Variants in TSHZ2 observed in about 807,000 individuals in gnomAD.
TSHZ2 encodes teashirt homolog 2.
A neutral mutation model predicts 74.4 loss-of-function variants in TSHZ2; 21 were observed. That is an observed-to-expected ratio of 0.28 (90% CI 0.20 to 0.41). TSHZ2 has a LOEUF of 0.41. Among genes scored for constraint, TSHZ2 ranks in the 10% least tolerant of loss-of-function variants. TSHZ2 has a pLI of 1.00. For synonymous variants in TSHZ2, 540 were observed against 515.3 expected, an observed-to-expected ratio of 1.05 and a Z score of -0.65; for missense variants, 1,244 against 1,293.5, an observed-to-expected ratio of 0.96 and a Z score of 0.59.
Position 53,008,694 on chromosome 20 carries a change from A to T in TSHZ2, c.40+35361A>T, listed in dbSNP as rs76181621. On this transcript the variant is annotated intron_variant, in intron 1 of 2. Coordinates refer to ENST00000371497, the MANE Select transcript of TSHZ2 (RefSeq NM_173485.6). Reference sequence around the variant, plus strand: ...TAAGGAGTTTGAGGAATTTTAGAGGAAAAGTAGTCGATATAAAGGCCAACT... The same window carrying T: ...TAAGGAGTTTGAGGAATTTTAGAGGTAAAGTAGTCGATATAAAGGCCAACT... Among the ~76,000 whole-genome samples the T allele has an allele frequency of 8.0e-3, 1,216 of 152,274 alleles. 13 individuals are homozygous for T. The highest frequency in any genetic ancestry group is 0.028 in the African/African-American group (1,154 of 41,538).
At chr20:53,372,275 C>T (rs570119144) in intron 2 of TSHZ2, among the ~76,000 whole-genome samples, 6 of 151,676 alleles carry the variant, frequency 4.0e-5, no homozygotes, top group South Asian at 2.1e-4. Flanking sequence ...CAGAAGTTTG[C>T]GACCAGCCTG....
chr20:53,397,024 A>G (rs890615483), intron 2 of TSHZ2, among the ~76,000 whole-genome samples: 3 of 152,224 alleles, frequency 2.0e-5, no homozygotes, highest in Non-Finnish European at 4.4e-5. Context: ...TAAAAACCCT[A>G]GAAGAAAACC....
chr20:52,977,296 T>A (rs368501916), intron 1 of TSHZ2, among the ~76,000 whole-genome samples: 1 of 152,240 alleles, frequency 6.6e-6, no homozygotes, highest in Non-Finnish European at 1.5e-5. Context: ...TTTGGGACCC[T>A]TCCTCCCTCA....
At chr20:53,314,558 C>T (rs1474600522) in intron 2 of TSHZ2, among the ~76,000 whole-genome samples, 4 of 151,868 alleles carry the variant, frequency 2.6e-5, no homozygotes, top group Non-Finnish European at 5.9e-5. Flanking sequence ...CTCCATGCTC[C>T]TCCACCTGAT....
chr20:53,276,217 G>T (rs2145426698), intron 2 of TSHZ2, among the ~76,000 whole-genome samples: 1 of 150,622 alleles, frequency 6.6e-6, no homozygotes. Flanking sequence ...TCTAAAGCTA[G>T]GATTTAGCTC....
chr20:53,044,675 C>A (rs1216228389), intron 1 of TSHZ2, among the ~76,000 whole-genome samples: 1 of 152,156 alleles, frequency 6.6e-6, no homozygotes, highest in Non-Finnish European at 1.5e-5. Context: ...TTTAAGGATG[C>A]AGACAGTGCT....
chr20:53,295,357 G>T (rs993666325), intron 2 of TSHZ2, among the ~76,000 whole-genome samples: 38 of 152,224 alleles, frequency 2.5e-4, no homozygotes, highest in African/African-American at 8.4e-4. Flanking sequence ...TAAAAACATG[G>T]ATAATAATAA....
intron 1 of TSHZ2, among the ~76,000 whole-genome samples, chr20:53,073,035 CTCCA>C (rs1218471966): frequency 7.0e-6 from 1 of 142,442 alleles, no homozygotes; most frequent in African/African-American, 2.6e-5. Flanking sequence ...CCATCCCTTC[CTCCA>C]TCCATTCCTC....
At chr20:53,045,460 G>A (rs1984193414) in intron 1 of TSHZ2, among the ~76,000 whole-genome samples, 1 of 152,202 alleles carries the variant, frequency 6.6e-6, no homozygotes, top group East Asian at 1.9e-4. Flanking sequence ...AGAAATCACA[G>A]GACCTTGGGA....
chr20:53,082,327 G>A (rs1279750943), intron 1 of TSHZ2, among the ~76,000 whole-genome samples: 1 of 152,094 alleles, frequency 6.6e-6, no homozygotes, highest in Non-Finnish European at 1.5e-5. Context: ...CAAGCGAATT[G>A]TTTTACTCAG....
intron 2 of TSHZ2, among the ~76,000 whole-genome samples, chr20:53,271,632 A>C (rs1344658378): frequency 6.6e-6 from 1 of 152,240 alleles, no homozygotes; most frequent in Non-Finnish European, 1.5e-5. Context: ...AAGTCTAACC[A>C]AATGAGAAGA....
Position 53,363,294 on chromosome 20 carries a change from G to T in TSHZ2, c.*8+106723G>T, listed in dbSNP as rs73620446. On this transcript the variant is annotated intron_variant, in intron 2 of 2. Transcript: ENST00000371497. ...ATCAGCTACTTAAATTGATGACTTTGTCTCAAGGTCAACTTCTTAGAAGCC... is the reference window on the plus strand; with the variant it reads ...ATCAGCTACTTAAATTGATGACTTTTTCTCAAGGTCAACTTCTTAGAAGCC... 1.0e-3 allele frequency among the ~76,000 whole-genome samples: 158 copies of T among 152,298 alleles called. 4 individuals carry two copies. In the East Asian group the frequency reaches 0.028, roughly 27 times the overall value.
At chr20:53,436,550 T>TATTA (rs201000764) in intron 2 of TSHZ2, among the ~76,000 whole-genome samples, 3 of 127,090 alleles carry the variant, frequency 2.4e-5, no homozygotes, top group African/African-American at 2.8e-5. Flanking sequence ...TTATTATTAT[T>TATTA]TTTTTTTTTT....
chr20:53,015,901 A>T (rs1399175215), intron 1 of TSHZ2, among the ~76,000 whole-genome samples: 1 of 152,174 alleles, frequency 6.6e-6, no homozygotes, highest in East Asian at 1.9e-4. Context: ...GGCAGCACCT[A>T]TCTGTGTCAT....
chr20:52,975,547 C>T (rs1182072684), intron 1 of TSHZ2, among the ~76,000 whole-genome samples: 3 of 151,610 alleles, frequency 2.0e-5, no homozygotes, highest in African/African-American at 7.3e-5. Flanking sequence ...GTGTTAGAAA[C>T]TTGTAACTAT....
chr20:53,413,834 T>C (rs1983140751), intron 2 of TSHZ2, among the ~76,000 whole-genome samples: 1 of 152,222 alleles, frequency 6.6e-6, no homozygotes, highest in South Asian at 2.1e-4. Context: ...TTAAAAATAA[T>C]ATCTACATTA....
chr20:53,095,428 TG>T (rs1397232488), intron 1 of TSHZ2, among the ~76,000 whole-genome samples: 5 of 152,308 alleles, frequency 3.3e-5, no homozygotes, highest in Admixed American at 1.3e-4. Context: ...ATGCGACAGC[TG>T]GAGCTGGGGA....
chr20:53,314,287 C>CAAAAAAAA (rs5841941), intron 2 of TSHZ2, among the ~76,000 whole-genome samples: 40 of 131,706 alleles, frequency 3.0e-4, no homozygotes, highest in Non-Finnish European at 5.0e-4. Context: ...GACTCTGTCT[C>CAAAAAAAA]AAAAAAAAAA....
chr20:53,289,297 AT>A (rs1448026441), intron 2 of TSHZ2, among the ~76,000 whole-genome samples: 2 of 152,192 alleles, frequency 1.3e-5, no homozygotes, highest in Non-Finnish European at 2.9e-5. Flanking sequence ...TGTCTTTTAC[AT>A]ATAATCACTT....
Sources: allele counts gnomAD v4.1 joint callset (sites outside exome capture counted in the v4.1 genomes callset), GRCh38; gene constraint gnomAD v4.1.1; transcripts MANE v1.5; gene names NCBI Gene and HGNC (gene_info 2026-07-23, HGNC 2026-07-21).